HSD17B12: variants seen among roughly 807,000 people sequenced by gnomAD.
The protein encoded by HSD17B12 is hydroxysteroid 17-beta dehydrogenase 12, also known as very-long-chain 3-oxoacyl-CoA reductase.
A neutral mutation model predicts 39.3 loss-of-function variants in HSD17B12; 32 were observed. The observed-to-expected ratio is 0.81, with a 90% CI of 0.61 to 1.09. HSD17B12 has a LOEUF of 1.09. HSD17B12 is among the 50% of genes least tolerant of loss of function. HSD17B12 has a pLI of 0.00. For missense variants in HSD17B12, 342 were observed against 382.9 expected, an observed-to-expected ratio of 0.89 and a Z score of 0.89; for synonymous variants, 150 against 146.7, an observed-to-expected ratio of 1.02 and a Z score of -0.16.
the HSD17B12 span, among the ~76,000 whole-genome samples, chr11:43,672,568 G>A: frequency 6.6e-6 from 1 of 152,156 alleles, no homozygotes; most frequent in Admixed American, 6.5e-5. Flanking sequence ...TTGTTTTTAA[G>A]ATAAAGTCTC....
intron 3 of HSD17B12, among the ~76,000 whole-genome samples, chr11:43,763,748 A>G (rs1249250049): frequency 6.6e-6 from 1 of 151,864 alleles, no homozygotes; most frequent in Non-Finnish European, 1.5e-5. Flanking sequence ...TGCACATACC[A>G]CATTGAGTTC....
the HSD17B12 span, among the ~76,000 whole-genome samples, chr11:43,598,586 T>C: frequency 6.6e-6 from 1 of 152,168 alleles, no homozygotes; most frequent in Non-Finnish European, 1.5e-5. Flanking sequence ...CTTTGTTTTC[T>C]TGTGCTCTGT....
the HSD17B12 span, among the ~76,000 whole-genome samples, chr11:43,665,206 G>GT: frequency 6.6e-6 from 1 of 152,146 alleles, no homozygotes; most frequent in Non-Finnish European, 1.5e-5. Context: ...GACAAAGGTT[G>GT]TTTTTCCCTA....
intron 4 of HSD17B12, among the ~76,000 whole-genome samples, chr11:43,804,198 A>C (rs143797128): frequency 6.6e-6 from 1 of 152,332 alleles, no homozygotes; most frequent in African/African-American, 2.4e-5. Flanking sequence ...AATCAACCAT[A>C]GCTTTATTTA....
chr11:43,707,208 T>C (rs1396945649), intron 1 of HSD17B12, among the ~76,000 whole-genome samples: 1 of 152,232 alleles, frequency 6.6e-6, no homozygotes, highest in Non-Finnish European at 1.5e-5. Flanking sequence ...GGGCAAAGTC[T>C]TTGCTCTCAT....
chr11:43,715,229 T>C (rs1950109867), intron 1 of HSD17B12, among the ~76,000 whole-genome samples: 1 of 152,096 alleles, frequency 6.6e-6, no homozygotes, highest in Non-Finnish European at 1.5e-5. Context: ...GCTTCCAGTT[T>C]TTGCCCATTC....
At chr11:43,568,405 CTGTT>C in the HSD17B12 span, among the ~76,000 whole-genome samples, 204 of 152,288 alleles carry the variant, frequency 1.3e-3, no homozygotes, top group African/African-American at 3.7e-3. Flanking sequence ...ACCCAGCCTC[CTGTT>C]TGTTTGTTTT....
the HSD17B12 span, among the ~76,000 whole-genome samples, chr11:43,626,734 A>G: frequency 6.6e-6 from 1 of 152,002 alleles, no homozygotes. Flanking sequence ...CTTTGATGCA[A>G]ATTGTAACTC....
At chr11:43,581,578 T>G in the HSD17B12 span, 15 of 402,130 alleles carry the variant, frequency 3.7e-5, no homozygotes, top group Admixed American at 1.3e-4. This position sits in a 1 kb window ranked among gnomAD's most constrained non-coding sequence, Gnocchi z 4.9. Context: ...CTTTCCCCGT[T>G]TTCCACGGAA....
the HSD17B12 span, among the ~76,000 whole-genome samples, chr11:43,599,518 A>G: frequency 3.3e-5 from 5 of 152,170 alleles, no homozygotes; most frequent in African/African-American, 1.2e-4. Context: ...ATTTTGTCAC[A>G]CAGGAAATAA....
chr11:43,666,092 C>T, the HSD17B12 span, among the ~76,000 whole-genome samples: 1 of 152,196 alleles, frequency 6.6e-6, no homozygotes, highest in Non-Finnish European at 1.5e-5. Flanking sequence ...CCCTTCCTTT[C>T]CACTCCAGTC....
chr11:43,606,493 T>G, the HSD17B12 span, among the ~76,000 whole-genome samples: 1 of 152,236 alleles, frequency 6.6e-6, no homozygotes, highest in East Asian at 1.9e-4. Flanking sequence ...TCATTAGGAT[T>G]TATAAGATAC....
intron 3 of HSD17B12, among the ~76,000 whole-genome samples, chr11:43,773,354 C>T (rs1286857048): frequency 2.0e-5 from 3 of 152,144 alleles, no homozygotes; most frequent in Non-Finnish European, 4.4e-5. Flanking sequence ...AGCAGGTCTG[C>T]CTCAGCCACC....
chr11:43,647,572 C>A, the HSD17B12 span, among the ~76,000 whole-genome samples: 1 of 151,892 alleles, frequency 6.6e-6, no homozygotes. Context: ...ACACATGACC[C>A]TAAGCAGTTC....
At chr11:43,619,216 A>AG in the HSD17B12 span, among the ~76,000 whole-genome samples, 1 of 16,906 alleles carries the variant, frequency 5.9e-5, no homozygotes. Context: ...TATATATAAA[A>AG]TATATATATA....
At chr11:43,793,867 C>T (rs115736263) in intron 3 of HSD17B12, among the ~76,000 whole-genome samples, 7,464 of 152,218 alleles carry the variant, frequency 0.049, 207 homozygotes, top group Non-Finnish European at 0.054. Flanking sequence ...ATAGCACTAT[C>T]GTTATAAATA....
the HSD17B12 span, among the ~76,000 whole-genome samples, chr11:43,624,920 C>T: frequency 6.6e-6 from 1 of 151,602 alleles, no homozygotes; most frequent in East Asian, 1.9e-4. Flanking sequence ...AATATTTAAA[C>T]CAGGAATAGT....
chr11:43,576,267 G>A, the HSD17B12 span, among the ~76,000 whole-genome samples: 1 of 152,172 alleles, frequency 6.6e-6, no homozygotes, highest in Non-Finnish European at 1.5e-5. Flanking sequence ...TTATGCAAGT[G>A]AGTCTGGTGG....
In HSD17B12 at chr11:43,831,745, A is replaced by G. The variant is rs1951312946; in HGVS notation, c.536+735A>G. On this transcript the variant is annotated intron_variant, in intron 7 of 10. Coordinates refer to ENST00000278353, the MANE Select transcript of HSD17B12 (RefSeq NM_016142.3). The surrounding 1 kb of genome is among the most constrained non-coding windows in gnomAD (Gnocchi z 4.1). The stretch of plus-strand genomic sequence containing the variant: ...TTGCTGAATTTAGGGCATCGTAGTC[A>G]TCTTTTTTTCTGCAAAATAACTATG... 6.6e-6 allele frequency among the ~76,000 whole-genome samples: 1 copy of G among 152,238 alleles called. No homozygotes were observed. Among genetic ancestry groups the G allele is most frequent in the African/African-American group, 2.4e-5 (1 of 41,456 alleles).
Sources: allele counts gnomAD v4.1 joint callset (sites outside exome capture counted in the v4.1 genomes callset), GRCh38; gene constraint gnomAD v4.1.1; non-coding constraint Gnocchi (gnomAD v3.1); transcripts MANE v1.5; gene names NCBI Gene and HGNC (gene_info 2026-07-23, HGNC 2026-07-21).